ADGRG5: variants seen among roughly 807,000 people sequenced by gnomAD.
ADGRG5 encodes adhesion G protein-coupled receptor G5.
In ADGRG5, 37 loss-of-function variants were observed where a neutral mutation model predicts 53.2. The observed-to-expected ratio is 0.70, with a 90% confidence interval of 0.53 to 0.91. ADGRG5 has a LOEUF of 0.91. ADGRG5 is among the 40% of genes least tolerant of loss of function. The probability of loss-of-function intolerance (pLI) is 0.00; values close to 1 mark genes in which losing one functional copy is unlikely to be tolerated. For synonymous variants in ADGRG5, 277 were observed against 290.4 expected (o/e 0.95, Z 0.47); for missense variants, 614 against 675.8 (o/e 0.91, Z 1.01).
the ADGRG5 span, among the ~76,000 whole-genome samples, chr16:57,537,013 C>T: frequency 1.3e-5 from 2 of 152,198 alleles, no homozygotes; most frequent in Non-Finnish European, 1.5e-5. Flanking sequence ...GCCAACAAGT[C>T]TGTGCCCATC....
intron 1 of ADGRG5, among the ~76,000 whole-genome samples, chr16:57,560,054 T>C (rs2032966169): frequency 6.6e-6 from 1 of 152,244 alleles, no homozygotes; most frequent in Non-Finnish European, 1.5e-5. Context: ...TGTTCAAACC[T>C]ATTCGATAGT....
chr16:57,544,355 G>T (rs2032565859), intron 1 of ADGRG5, among the ~76,000 whole-genome samples: 1 of 152,186 alleles, frequency 6.6e-6, no homozygotes, highest in Non-Finnish European at 1.5e-5. Context: ...CGTGTGGGGG[G>T]ATGGTGCATG....
chr16:57,549,947 T>C (rs938789920), intron 1 of ADGRG5, among the ~76,000 whole-genome samples: 1 of 152,118 alleles, frequency 6.6e-6, no homozygotes, highest in Non-Finnish European at 1.5e-5. Context: ...ACTAATGATA[T>C]TGAGTGTTTC....
intron 7 of ADGRG5, 151 bp from the exon 8 acceptor site, chr16:57,567,319 G>A: frequency 2.7e-6 from 2 of 744,902 alleles, no homozygotes; most frequent in South Asian, 1.9e-5. Context: ...AAAACTGACT[G>A]TATCTGCCAT....
At position 57,575,262 on chromosome 16, in the gene ADGRG5, T is replaced by C. The variant is rs369121153; in HGVS notation, c.1486+170T>C. On this transcript the variant is annotated intron_variant, in intron 11 of 11. Coordinates refer to ENST00000349457, the MANE Select transcript of ADGRG5 (RefSeq NM_001304376.3). ...GCTACATCTGCATGAAGGTACCCTA[T>C]GGACTGGCCACAGCAGCTCTTCCAG... is the stretch of plus-strand genomic sequence containing the variant. Among the ~76,000 whole-genome samples the C allele has an allele frequency of 2.2e-4, 33 of 152,280 alleles. No individual in the cohort carries two copies. The South Asian group carries it at 6.4e-3, about 30-fold the overall frequency.
At chr16:57,547,454 T>C (rs1228662085) in intron 1 of ADGRG5, among the ~76,000 whole-genome samples, 2 of 152,230 alleles carry the variant, frequency 1.3e-5, no homozygotes, top group Non-Finnish European at 2.9e-5. Flanking sequence ...TTTTTGGTTT[T>C]GTTTTTTTTG....
intron 1 of ADGRG5, among the ~76,000 whole-genome samples, chr16:57,559,323 A>C (rs1359682127): frequency 6.6e-6 from 1 of 151,984 alleles, no homozygotes; most frequent in Non-Finnish European, 1.5e-5. Flanking sequence ...GCCAATTACC[A>C]CCTTGCACTC....
chr16:57,560,430 T>A (rs2032974202), intron 1 of ADGRG5, among the ~76,000 whole-genome samples: 1 of 152,246 alleles, frequency 6.6e-6, no homozygotes, highest in African/African-American at 2.4e-5. Flanking sequence ...GAAATTTCAC[T>A]GTAAGTTAGG....
At chr16:57,531,364 C>T in the ADGRG5 span, among the ~76,000 whole-genome samples, 2 of 152,026 alleles carry the variant, frequency 1.3e-5, no homozygotes, top group Non-Finnish European at 2.9e-5. Flanking sequence ...CCCCACCCAC[C>T]GCCAAACCTT....
rs376822542 is a variant in ADGRG5, at chr16:57,544,867, G to T, written c.-39+2166G>T. 3.3e-5 allele frequency among the ~76,000 whole-genome samples: 5 copies of T among 152,240 alleles called. No individual in the cohort carries two copies. The South Asian group carries it at 6.2e-4, about 19-fold the overall frequency. ...GCAGTGTCACAATCACGGCTCCCAG[G>T]CTCAAGTAATCCTCTCATCTCAGCC... On this transcript the variant is annotated intron_variant, in intron 1 of 11. Coordinates refer to ENST00000349457, the MANE Select transcript of ADGRG5 (RefSeq NM_001304376.3).
rs1257729005 is a variant in ADGRG5, at chr16:57,563,742, G to T, written c.298-106G>T. 3 of 1,438,970 alleles carry T rather than the reference G, an allele frequency of 2.1e-6. No individual in the cohort carries two copies. The Admixed American group carries it at 5.1e-5, about 25-fold the overall frequency. The allele number at this position is 1,438,970 out of a possible 1,614,324, so 89.1% of individuals were successfully genotyped here. A position where few individuals can be genotyped will look rare whatever the true frequency, so the allele number is the denominator to read the frequency against. ...AGCCTGGGGGGAGAAGGTTCTGTGG[G>T]TGGAAACCCCAAGGAAGGTTTCACG... On this transcript the variant is annotated intron_variant, in intron 4 of 11. Transcript: ENST00000349457.
At chr16:57,570,272 A>G in intron 9 of ADGRG5, 146 bp from the exon 10 acceptor site, 2 of 575,862 alleles carry the variant, frequency 3.5e-6, no homozygotes, top group Non-Finnish European at 6.3e-6. Context: ...CACCAGGCTC[A>G]TTGCTCTGAA....
chr16:57,562,869 G>T lies in ADGRG5; in HGVS notation c.141-222G>T, dbSNP rs543182504. Among the ~76,000 whole-genome samples, 6 of 152,286 alleles carry T rather than the reference G, an allele frequency of 3.9e-5. No homozygotes were observed. The East Asian group carries it at 1.2e-3, about 29-fold the overall frequency. ...AGTCAGGGAAGGCTTCCTGGAGGAG[G>T]TGACAATAAACTGGGACCTGAACAG... On this transcript the variant is annotated intron_variant, in intron 3 of 11. Coordinates refer to ENST00000349457, the MANE Select transcript of ADGRG5 (RefSeq NM_001304376.3).
At chr16:57,555,498 A>C (rs1335662930) in intron 1 of ADGRG5, among the ~76,000 whole-genome samples, 1 of 152,206 alleles carries the variant, frequency 6.6e-6, no homozygotes, top group Non-Finnish European at 1.5e-5. Flanking sequence ...ATGGACTGAT[A>C]TATCTTCTAT....
intron 10 of ADGRG5, among the ~76,000 whole-genome samples, chr16:57,571,805 C>T (rs2033369481): frequency 6.6e-6 from 1 of 151,706 alleles, no homozygotes; most frequent in African/African-American, 2.4e-5. Flanking sequence ...CCACCACGCT[C>T]AGTTAATTTT....
At chr16:57,562,350 A>G (rs1210451164) in intron 2 of ADGRG5, 34 bp from the exon 3 acceptor site, 1 of 1,569,344 alleles carries the variant, frequency 6.4e-7, no homozygotes, top group African/African-American at 1.3e-5. Context: ...AGGGCAGTTG[A>G]GACACAAACT....
intron 7 of ADGRG5, 45 bp from the exon 8 acceptor site, chr16:57,567,425 G>A (rs2033163521): frequency 6.3e-7 from 1 of 1,596,346 alleles, no homozygotes; most frequent in Admixed American, 1.7e-5. Context: ...TGGGAGGAAG[G>A]GCGATACTAT....
chr16:57,575,625 G>C lies in ADGRG5; in HGVS notation c.*87G>C, dbSNP rs1323566432. The C allele has an allele frequency of 7.4e-6, 8 of 1,077,330 alleles. No homozygotes were observed. The highest frequency in any genetic ancestry group is 2.0e-5 in the Admixed American group (1 of 50,766). 66.7% of individuals were successfully genotyped at this position (1,077,330 alleles called of 1,614,324 possible). ...TCCTGCTAGAGAGGGTGGCAGGCCT[G>C]CTGCTGGACCCCAGAGGCCACTGTG... is the stretch of plus-strand genomic sequence containing the variant. On this transcript the variant is annotated 3_prime_UTR_variant, in exon 12 of 12. Coordinates refer to ENST00000349457, the MANE Select transcript of ADGRG5 (RefSeq NM_001304376.3).
At chr16:57,565,178 C>A (rs2033102778) in intron 6 of ADGRG5, 28 bp downstream of exon 6, 1 of 1,330,998 alleles carries the variant, frequency 7.5e-7, no homozygotes, top group Non-Finnish European at 1.1e-6. Flanking sequence ...CCCGTTTCCA[C>A]TGCACCCCTG....
Sources: gnomAD v4.1 joint callset for allele counts (sites outside exome capture counted in the v4.1 genomes callset) on GRCh38, gnomAD v4.1.1 for gene constraint, MANE v1.5 for transcripts, NCBI Gene and HGNC (gene_info 2026-07-23, HGNC 2026-07-21) for gene names.